DGKG: variants seen among roughly 807,000 people sequenced by gnomAD.
The protein encoded by DGKG is DAG kinase gamma.
DGKG carries 78 observed loss-of-function variants against 105.3 expected under a neutral mutation model. The ratio of observed to expected loss-of-function variants is 0.74; its 90% confidence interval spans 0.62 to 0.89. The LOEUF is 0.89. Among genes scored for constraint, DGKG ranks in the 40% least tolerant of loss-of-function variants. DGKG has a pLI of 0.00. For synonymous variants in DGKG, 346 were observed against 367.1 expected (o/e 0.94, Z 0.66); for missense variants, 958 against 1,020.1 (o/e 0.94, Z 0.83).
intron 1 of DGKG, among the ~76,000 whole-genome samples, chr3:186,323,048 G>A (rs1725155758): frequency 6.6e-6 from 1 of 152,252 alleles, no homozygotes; most frequent in South Asian, 2.1e-4. Flanking sequence ...ACAGCCTCCT[G>A]CTGCTCTCCC....
chr3:186,307,579 ATTAT>A (rs1428991481), intron 2 of DGKG, among the ~76,000 whole-genome samples: 1 of 152,166 alleles, frequency 6.6e-6, no homozygotes, highest in African/African-American at 2.4e-5. Flanking sequence ...TAGTGTTATA[ATTAT>A]TTATTAACTT....
At chr3:186,298,040 C>G in intron 4 of DGKG, 24 bp downstream of exon 4, 1 of 1,589,130 alleles carries the variant, frequency 6.3e-7, no homozygotes, top group Non-Finnish European at 8.6e-7. Flanking sequence ...AAGGTCTTCC[C>G]ATCTTGGGGA....
rs760338545 is a variant in DGKG at position 186,275,603 on chromosome 3, CA to C, written c.853del (p.Cys285AlafsTer50). 6.2e-7 allele frequency: 1 copy of C among 1,614,226 alleles called. No homozygotes were observed. The highest frequency in any genetic ancestry group is 1.7e-5 in the Admixed American group (1 of 60,034). The stretch of plus-strand genomic sequence containing the variant: ...CATGAGCATGATATGGCAGAAGTTG[CA>C]GTAGGTTGGTTTCTTGAAGTGCTTC... ...TMKHFKKPTY[C>X]NFCHIMLMGV... On this transcript the variant is annotated frameshift_variant, in exon 10 of 25. Transcript: ENST00000265022. LOFTEE classifies it high-confidence loss of function.
Position 186,250,554 on chromosome 3 carries a change from A to ATTTTTTTTTTTTTT in DGKG, c.1761+1204_1761+1205insAAAAAAAAAAAAAA, listed in dbSNP as rs1165295513. ...GAACAAATAGTTCAATAATTCTGTCATTCTTTTTTTTTTGAGACAGAGTCT... is the reference window on the plus strand; with the variant it reads ...GAACAAATAGTTCAATAATTCTGTCATTTTTTTTTTTTTTTTCTTTTTTTTTTGAGACAGAGTCT... On this transcript the variant is annotated intron_variant, in intron 19 of 24. Transcript: ENST00000265022. 2.9e-4 allele frequency among the ~76,000 whole-genome samples: 8 copies of ATTTTTTTTTTTTTT among 27,618 alleles called. 1 individual carries two copies. The highest frequency in any genetic ancestry group is 5.5e-4 in the Admixed American group (1 of 1,804). The allele number at this position is 27,618 out of a possible 152,430, so 18.1% of individuals were successfully genotyped here.
intron 1 of DGKG, among the ~76,000 whole-genome samples, chr3:186,360,141 A>G (rs1303729113): frequency 6.6e-6 from 1 of 151,942 alleles, no homozygotes; most frequent in African/African-American, 2.4e-5. Flanking sequence ...CCATCTGTTG[A>G]TGGTGTTGTG....
chr3:186,331,042 G>C lies in DGKG; in HGVS notation c.-248-10335C>G, dbSNP rs554700882. 6.0e-4 allele frequency among the ~76,000 whole-genome samples: 91 copies of C among 152,348 alleles called. 1 individual carries two copies. Among genetic ancestry groups the C allele is most frequent in the African/African-American group, 2.1e-3 (87 of 41,572 alleles). ...CAACTTATTCATGTCTTAAAATCTA[G>C]TAGTTGGAAAATTATAGGCTAAAAA... is the stretch of plus-strand genomic sequence containing the variant. On this transcript the variant is annotated intron_variant, in intron 1 of 24. Coordinates refer to ENST00000265022, the MANE Select transcript of DGKG (RefSeq NM_001346.3).
At chr3:186,171,042 A>C (rs1270526598) in intron 22 of DGKG, among the ~76,000 whole-genome samples, 1 of 152,238 alleles carries the variant, frequency 6.6e-6, no homozygotes, top group African/African-American at 2.4e-5. Context: ...CTAGGTGTGC[A>C]AACATCCCTC....
At chr3:186,246,799 C>A (rs758301316) in intron 19 of DGKG, among the ~76,000 whole-genome samples, 1 of 152,150 alleles carries the variant, frequency 6.6e-6, no homozygotes, top group African/African-American at 2.4e-5. Flanking sequence ...TAGCTAGGAA[C>A]GATCTGCAAG....
At chr3:186,180,401 G>T (rs1388030939) in intron 22 of DGKG, among the ~76,000 whole-genome samples, 1 of 152,108 alleles carries the variant, frequency 6.6e-6, no homozygotes, top group East Asian at 1.9e-4. Flanking sequence ...CATGTATGTT[G>T]CCATGGTTAC....
At chr3:186,234,605 G>C (rs1720324169) in intron 20 of DGKG, among the ~76,000 whole-genome samples, 2 of 152,170 alleles carry the variant, frequency 1.3e-5, no homozygotes, top group African/African-American at 4.8e-5. Flanking sequence ...TTGTTGACAT[G>C]AATAAGACCT....
intron 21 of DGKG, among the ~76,000 whole-genome samples, chr3:186,200,546 T>C (rs965226263): frequency 1.3e-5 from 2 of 152,180 alleles, no homozygotes; most frequent in African/African-American, 4.8e-5. Context: ...GATGAGTCTT[T>C]TGTGGAGTGG....
chr3:186,302,407 TC>T (rs1361508988), intron 3 of DGKG, among the ~76,000 whole-genome samples: 1 of 148,998 alleles, frequency 6.7e-6, no homozygotes, highest in Non-Finnish European at 1.5e-5. Flanking sequence ...TATATGTATC[TC>T]CACTCACAAT....
intron 10 of DGKG, among the ~76,000 whole-genome samples, chr3:186,274,976 A>G (rs956868960): frequency 7.2e-5 from 11 of 152,136 alleles, no homozygotes; most frequent in Non-Finnish European, 1.6e-4. Context: ...GTCTTCCACA[A>G]TGGTTGAACT....
chr3:186,347,231 G>A (rs933249548), intron 1 of DGKG, among the ~76,000 whole-genome samples: 8 of 151,848 alleles, frequency 5.3e-5, no homozygotes, highest in Admixed American at 2.0e-4. Flanking sequence ...GGCGGATCAC[G>A]AGGTCAGGAG....
intron 1 of DGKG, among the ~76,000 whole-genome samples, chr3:186,334,022 G>T (rs1217182395): frequency 2.0e-5 from 3 of 152,086 alleles, no homozygotes; most frequent in South Asian, 4.2e-4. Context: ...AAGCGCTTGT[G>T]TTCTCCCTCC....
At chr3:186,201,574 T>C (rs1718464331) in intron 21 of DGKG, among the ~76,000 whole-genome samples, 3 of 152,256 alleles carry the variant, frequency 2.0e-5, no homozygotes, top group Admixed American at 2.0e-4. Flanking sequence ...TTCCTAGAGA[T>C]GGGCGTGGGA....
At chr3:186,269,328 G>A (rs1360454718) in intron 11 of DGKG, among the ~76,000 whole-genome samples, 1 of 152,230 alleles carries the variant, frequency 6.6e-6, no homozygotes, top group Non-Finnish European at 1.5e-5. Context: ...AAAACTGGCT[G>A]GAGTCCCTTT....
intron 1 of DGKG, among the ~76,000 whole-genome samples, chr3:186,344,044 C>A (rs1204009821): frequency 2.6e-5 from 4 of 152,122 alleles, no homozygotes; most frequent in Admixed American, 2.6e-4. Flanking sequence ...CATCTCACAC[C>A]AGTCAGAATG....
At chr3:186,182,232 G>C (rs924856035) in intron 22 of DGKG, among the ~76,000 whole-genome samples, 7 of 152,194 alleles carry the variant, frequency 4.6e-5, no homozygotes, top group Non-Finnish European at 1.0e-4. Context: ...AAAGATAATA[G>C]ATGAAATCCT....
Sources: allele counts gnomAD v4.1 joint callset (sites outside exome capture counted in the v4.1 genomes callset), GRCh38; gene constraint gnomAD v4.1.1; transcripts MANE v1.5; gene names NCBI Gene and HGNC (gene_info 2026-07-23, HGNC 2026-07-21).